The following HEXA variants were observed in gnomAD, a reference collection of about 807,000 sequenced individuals.
HEXA encodes beta-hexosaminidase subunit alpha.
A neutral mutation model predicts 73.3 loss-of-function variants in HEXA; 54 were observed. That is an observed-to-expected ratio of 0.74 (90% confidence interval 0.59 to 0.92). The LOEUF (loss-of-function observed/expected upper bound fraction) is 0.92. Among genes scored for constraint, HEXA ranks in the 40% least tolerant of loss-of-function variants. The probability of loss-of-function intolerance (pLI) is 0.00; values close to 1 mark genes in which losing one functional copy is unlikely to be tolerated. For synonymous variants in HEXA, 230 were observed against 246.9 expected (o/e 0.93, Z 0.64); for missense variants, 649 against 653.0 (o/e 0.99, Z 0.07).
intron 1 of HEXA, chr15:72,357,753 G>GATC (rs930178042): frequency 3.3e-5 from 5 of 152,170 alleles, no homozygotes; most frequent in African/African-American, 1.2e-4. Context: ...CAAGCGCTCA[G>GATC]ATCATCTCAC....
intron 2 of HEXA, chr15:72,356,064 C>T: frequency 2.4e-6 from 1 of 419,038 alleles, no homozygotes. Flanking sequence ...CTACTTCCTC[C>T]AAGAATGTGA....
Position 72,341,866 on chromosome 15 carries a change from G to A in HEXA, c.*2211C>T, listed in dbSNP as rs558331874. The A allele has an allele frequency of 3.4e-4, 52 of 152,278 alleles. No individual in the cohort carries two copies. Among genetic ancestry groups the A allele is most frequent in the African/African-American group, 1.1e-3 (47 of 41,546 alleles). 9.4% of individuals were successfully genotyped at this position (152,278 alleles called of 1,614,324 possible). On this transcript the variant is annotated 3_prime_UTR_variant, in exon 14 of 14. Coordinates refer to ENST00000268097, the MANE Select transcript of HEXA (RefSeq NM_000520.6). The stretch of plus-strand genomic sequence containing the variant: ...CCAATGAAAGTCGTGACCAGGCCAC[G>A]TTAGTTTAGTGGTAAAAATAATAAC...
intron 1 of HEXA, among the ~76,000 whole-genome samples, chr15:72,373,934 G>C (rs572746190): frequency 6.6e-6 from 1 of 151,862 alleles, no homozygotes; most frequent in African/African-American, 2.4e-5. Context: ...AGGAGGCGGA[G>C]GCTGCAGTGA....
intron 4 of HEXA, 98 bp from the exon 5 acceptor site, chr15:72,353,276 A>T: frequency 1.3e-6 from 1 of 765,200 alleles, no homozygotes. Context: ...TTAAAAAGCC[A>T]ATCTGTGACT....
intron 1 of HEXA, chr15:72,362,410 C>T: frequency 2.2e-6 from 1 of 455,658 alleles, no homozygotes; most frequent in South Asian, 1.6e-5. Flanking sequence ...AGGGACCAAT[C>T]TCAGTGTCTT....
chr15:72,342,906 T>C lies in HEXA; in HGVS notation c.*1171A>G, dbSNP rs937455882. 1 of 151,852 alleles carries C rather than the reference T, an allele frequency of 6.6e-6. No homozygotes were observed. The highest frequency in any genetic ancestry group is 1.5e-5 in the Non-Finnish European group (1 of 68,036). The allele number at this position is 151,852 out of a possible 1,614,324, so 9.4% of individuals were successfully genotyped here. The stretch of plus-strand genomic sequence containing the variant: ...TTCAAGACCAGCCTGGCCAATATAG[T>C]GAAACCCCATCTCTACTAAAAATAG... On this transcript the variant is annotated 3_prime_UTR_variant, in exon 14 of 14. Transcript: ENST00000268097.
chr15:72,372,386 G>C (rs928341846), intron 1 of HEXA, among the ~76,000 whole-genome samples: 3 of 150,688 alleles, frequency 2.0e-5, no homozygotes, highest in East Asian at 1.9e-4. Context: ...GGCAGAATTA[G>C]ACTTAGCCAC....
At chr15:72,346,892 G>A in intron 10 of HEXA, 182 bp from the exon 11 acceptor site, 2 of 650,178 alleles carry the variant, frequency 3.1e-6, no homozygotes, top group South Asian at 1.7e-5. Context: ...GGAATCCAGG[G>A]CCCTAAGAGG....
Position 72,355,546 on chromosome 15 carries a change from C to T in HEXA, c.412+13G>A, listed in dbSNP as rs1391540037. On this transcript the variant is annotated intron_variant, in intron 3 of 13. Coordinates refer to ENST00000268097, the MANE Select transcript of HEXA (RefSeq NM_000520.6). Reference sequence around the variant, plus strand: ...CCTTTCTCTCTCTCTTTTAATCAGCCCCAATTTGTTACCTCGGAGAGCTCC... The same window carrying T: ...CCTTTCTCTCTCTCTTTTAATCAGCTCCAATTTGTTACCTCGGAGAGCTCC... The T allele has an allele frequency of 4.4e-6, 7 of 1,576,930 alleles. No homozygotes were observed. The highest frequency in any genetic ancestry group is 6.1e-6 in the Non-Finnish European group (7 of 1,146,384).
intron 1 of HEXA, among the ~76,000 whole-genome samples, chr15:72,367,795 C>T (rs1233816227): frequency 2.6e-5 from 4 of 152,202 alleles, no homozygotes; most frequent in Non-Finnish European, 4.4e-5. Flanking sequence ...GCCTTTTCCA[C>T]GCGCAGTTCT....
At chr15:72,372,714 A>G (rs1473602709) in intron 1 of HEXA, among the ~76,000 whole-genome samples, 1 of 152,250 alleles carries the variant, frequency 6.6e-6, no homozygotes, top group Non-Finnish European at 1.5e-5. Context: ...AACTGGTGGG[A>G]CTAACCCTTG....
intron 1 of HEXA, chr15:72,357,398 G>T (rs1442188792): frequency 1.3e-5 from 2 of 154,192 alleles, no homozygotes; most frequent in Admixed American, 1.3e-4. Flanking sequence ...CCTAATAGTG[G>T]AGGGTTGAAC....
intron 5 of HEXA, chr15:72,351,697 C>G: frequency 4.6e-6 from 1 of 219,120 alleles, no homozygotes; most frequent in South Asian, 7.4e-5. Flanking sequence ...GTGTGGCCTC[C>G]TTTGGTTCCG....
At chr15:72,371,675 C>T (rs756831835) in intron 1 of HEXA, among the ~76,000 whole-genome samples, 18 of 151,302 alleles carry the variant, frequency 1.2e-4, no homozygotes, top group Non-Finnish European at 2.4e-4. Context: ...AGCTCTTTAA[C>T]GTTAATATAT....
At chr15:72,353,566 A>G (rs1490951107) in intron 4 of HEXA, 125 bp downstream of exon 4, 1 of 763,852 alleles carries the variant, frequency 1.3e-6, no homozygotes, top group Non-Finnish European at 2.4e-6. Context: ...CTCCTCTTCC[A>G]TTTCTACTGG....
chr15:72,356,568 T>C lies in HEXA; in HGVS notation c.303A>G (p.Thr101=), dbSNP rs970894400. Residue 101 remains threonine, a synonymous_variant, in exon 2 of 14, where the codon ACA becomes ACG. Transcript: ENST00000268097. ...AAGTAGGAAGCTGGTTACATCCAGG[T>C]GTGACTACAGAGACAACCAACACAT... ...EKNVLVVSVV[T]PGCNQLPTLE... is the part of the protein sequence containing the mutation. 6 of 1,613,914 alleles carry C rather than the reference T, an allele frequency of 3.7e-6. No homozygotes were observed. In the Admixed American group the frequency reaches 1.0e-4, roughly 27 times the overall value.
Position 72,343,153 on chromosome 15 carries a change from G to A in HEXA, c.*924C>T, listed in dbSNP as rs1172254618. The stretch of plus-strand genomic sequence containing the variant: ...GGAGAATGGCGTGAACCCAGGAGGT[G>A]GAGCTTGCAGTGAGTCGAGATCGTG... On this transcript the variant is annotated 3_prime_UTR_variant, in exon 14 of 14. Coordinates refer to ENST00000268097, the MANE Select transcript of HEXA (RefSeq NM_000520.6). The A allele has an allele frequency of 6.6e-6, 1 of 152,196 alleles. No homozygotes were observed. The highest frequency in any genetic ancestry group is 1.5e-5 in the Non-Finnish European group (1 of 68,058). 9.4% of individuals were successfully genotyped at this position (152,196 alleles called of 1,614,324 possible). A position where few individuals can be genotyped will look rare whatever the true frequency, so the allele number is the denominator to read the frequency against.
chr15:72,375,828 C>G lies in HEXA; in HGVS notation c.145G>C (p.Asp49His), dbSNP rs1397490017. The G allele has an allele frequency of 6.2e-7, 1 of 1,614,262 alleles. No homozygotes were observed. Among genetic ancestry groups the G allele is most frequent in the Admixed American group, 1.7e-5 (1 of 60,034 alleles). The change falls in exon 1 of 14, where the codon GAT (aspartate) becomes CAT (histidine). Residue 49 changes from aspartate to histidine, a missense_variant. Asp to His is a moderately conservative substitution (Grantham distance 81). Coordinates refer to ENST00000268097, the MANE Select transcript of HEXA (RefSeq NM_000520.6). Reference protein sequence around the residue: ...LYPNNFQFQYDVSSAAQPGCS... With the variant: ...LYPNNFQFQYHVSSAAQPGCS... ...CCGGGCTGCGCGGCCGAGCTGACAT[C>G]GTACTGGAATTGAAAGTTGTTCGGG... is the stretch of plus-strand genomic sequence containing the variant.
intron 1 of HEXA, among the ~76,000 whole-genome samples, chr15:72,362,971 G>C (rs2088869861): frequency 3.9e-5 from 6 of 152,082 alleles, no homozygotes; most frequent in Admixed American, 3.9e-4. Context: ...AGGCAACCCA[G>C]ACTTTGCCAC....
Sources: gnomAD v4.1 joint callset for allele counts (sites outside exome capture counted in the v4.1 genomes callset) on GRCh38, gnomAD v4.1.1 for gene constraint, MANE v1.5 for transcripts, NCBI Gene and HGNC (gene_info 2026-07-23, HGNC 2026-07-21) for gene names.